Variants in PRKCB observed in about 807,000 individuals in gnomAD.
The protein encoded by PRKCB is protein kinase C beta type.
In PRKCB, 13 loss-of-function variants were observed where a neutral mutation model predicts 81.5. That is an observed-to-expected ratio of 0.16 (90% CI 0.10 to 0.25). The LOEUF (loss-of-function observed/expected upper bound fraction) is 0.25. Ranked by LOEUF, PRKCB falls within the 10% of genes least tolerant of loss-of-function variation. The pLI, the probability that PRKCB is intolerant of heterozygous loss-of-function variation, is 1.00. For missense variants in PRKCB, 509 were observed against 875.7 expected (o/e 0.58, Z 5.29); for synonymous variants, 335 against 321.4 (o/e 1.04, Z -0.45).
chr16:24,139,115 G>T (rs187924418), intron 9 of PRKCB, among the ~76,000 whole-genome samples: 4 of 152,186 alleles, frequency 2.6e-5, no homozygotes, highest in Admixed American at 6.5e-5. Flanking sequence ...GCCTCCCCAA[G>T]TGCTGGGATT....
intron 2 of PRKCB, among the ~76,000 whole-genome samples, chr16:23,967,909 C>A (rs1182177374): frequency 4.6e-5 from 7 of 152,162 alleles, no homozygotes; most frequent in Non-Finnish European, 1.0e-4. Context: ...CCTGCCGTGG[C>A]CTTCCAAAGT....
chr16:24,021,222 C>CTT lies in PRKCB; in HGVS notation c.289-10912_289-10911dup, dbSNP rs1965387365. ...TCTTTCTTTCTTTCTTTCTTTCTTT[C>CTT]TTTCTTTCTTTCCTTCCTTCCTTCC... On this transcript the variant is annotated intron_variant, in intron 3 of 16. Transcript: ENST00000643927. Among the ~76,000 whole-genome samples, 25 of 23,486 alleles carry CTT rather than the reference C, an allele frequency of 1.1e-3. 6 individuals are homozygous for CTT. Among genetic ancestry groups the CTT allele is most frequent in the South Asian group, 4.1e-3 (1 of 246 alleles). 15.4% of individuals were successfully genotyped at this position (23,486 alleles called of 152,430 possible). A position where few individuals can be genotyped will look rare whatever the true frequency, so the allele number is the denominator to read the frequency against.
intron 2 of PRKCB, among the ~76,000 whole-genome samples, chr16:23,927,132 G>A (rs1963908483): frequency 6.6e-6 from 1 of 152,108 alleles, no homozygotes; most frequent in Admixed American, 6.5e-5. Flanking sequence ...TAAGCGCATG[G>A]TGTGAGCGTA....
At chr16:23,990,433 G>T (rs533147356) in intron 3 of PRKCB, among the ~76,000 whole-genome samples, 11 of 151,482 alleles carry the variant, frequency 7.3e-5, no homozygotes, top group African/African-American at 2.4e-4. Context: ...ACTCCAGCCT[G>T]GGCGACAGAG....
chr16:24,135,361 C>G (rs1351480448), intron 9 of PRKCB, among the ~76,000 whole-genome samples: 1 of 139,070 alleles, frequency 7.2e-6, no homozygotes, highest in Non-Finnish European at 1.5e-5. Flanking sequence ...GCTCTGTTGC[C>G]CAGGCTGGAG....
rs147034002 is a variant in PRKCB, at chr16:23,887,146, A to G, written c.205+49740A>G. On this transcript the variant is annotated intron_variant, in intron 2 of 16. Coordinates refer to ENST00000643927, the MANE Select transcript of PRKCB (RefSeq NM_002738.7). The stretch of plus-strand genomic sequence containing the variant: ...TTGCTTTCTGTCACTGAAAGCAAAT[A>G]TTGTAGACAGATATGCTTGTAGGAT... Among the ~76,000 whole-genome samples, 5 of 152,050 alleles carry G rather than the reference A, an allele frequency of 3.3e-5. No individual in the cohort carries two copies. In the East Asian group the frequency reaches 9.7e-4, roughly 29 times the overall value.
intron 2 of PRKCB, among the ~76,000 whole-genome samples, chr16:23,966,117 C>T (rs75832524): frequency 2.0e-4 from 30 of 152,338 alleles, no homozygotes; most frequent in African/African-American, 6.5e-4. Context: ...TCTCATGGAA[C>T]GTCTGCGCAA....
At chr16:23,998,913 C>A (rs1034188114) in intron 3 of PRKCB, among the ~76,000 whole-genome samples, 1 of 152,172 alleles carries the variant, frequency 6.6e-6, no homozygotes, top group African/African-American at 2.4e-5. Context: ...GGAGTGCAGC[C>A]ATTCATTGCC....
chr16:23,844,376 TA>T (rs1962325812), intron 2 of PRKCB, among the ~76,000 whole-genome samples: 1 of 152,236 alleles, frequency 6.6e-6, no homozygotes, highest in Non-Finnish European at 1.5e-5. Flanking sequence ...GAAATTTGTC[TA>T]TTCACCACAT....
chr16:24,151,326 T>A (rs555426923), intron 9 of PRKCB, among the ~76,000 whole-genome samples: 1 of 152,382 alleles, frequency 6.6e-6, no homozygotes, highest in Admixed American at 6.5e-5. Flanking sequence ...ATTTTTATGC[T>A]TATCTTCCAT....
intron 2 of PRKCB, among the ~76,000 whole-genome samples, chr16:23,913,894 G>A (rs1340974040): frequency 6.6e-6 from 1 of 152,228 alleles, no homozygotes; most frequent in Non-Finnish European, 1.5e-5. Flanking sequence ...CTTAGCTTAA[G>A]CTGTGCCCCC....
At chr16:23,905,635 T>G (rs1362146919) in intron 2 of PRKCB, among the ~76,000 whole-genome samples, 3 of 152,222 alleles carry the variant, frequency 2.0e-5, no homozygotes, top group Non-Finnish European at 4.4e-5. Context: ...CTAGAACCAG[T>G]TTCCTGTATT....
intron 2 of PRKCB, among the ~76,000 whole-genome samples, chr16:23,930,771 C>G (rs1963961552): frequency 6.6e-6 from 1 of 152,080 alleles, no homozygotes; most frequent in Non-Finnish European, 1.5e-5. Context: ...ATGTAAAGCT[C>G]TTAGTGCAAT....
chr16:23,950,132 A>ATTTTTTTTTTTT, intron 2 of PRKCB, among the ~76,000 whole-genome samples: 1 of 97,774 alleles, frequency 1.0e-5, no homozygotes, highest in African/African-American at 4.1e-5. Context: ...TATGATTTGA[A>ATTTTTTTTTTTT]TTTTTTTTTT....
chr16:23,888,175 T>C (rs1348454896), intron 2 of PRKCB, among the ~76,000 whole-genome samples: 1 of 152,230 alleles, frequency 6.6e-6, no homozygotes, highest in African/African-American at 2.4e-5. Context: ...GGTGGGCTGC[T>C]GTGTTCTCAC....
At chr16:23,841,999 G>T (rs1962275803) in intron 2 of PRKCB, among the ~76,000 whole-genome samples, 1 of 152,058 alleles carries the variant, frequency 6.6e-6, no homozygotes, top group Non-Finnish European at 1.5e-5. Flanking sequence ...AGAGATAGTG[G>T]ATCTTGCTTT....
intron 2 of PRKCB, among the ~76,000 whole-genome samples, chr16:23,950,136 T>TTTG (rs1964258827): frequency 1.5e-5 from 2 of 135,146 alleles, no homozygotes; most frequent in Admixed American, 1.4e-4. Context: ...ATTTGAATTT[T>TTTG]TTTTTTTTTT....
intron 3 of PRKCB, among the ~76,000 whole-genome samples, chr16:24,015,025 T>G (rs28567762): frequency 0.063 from 9,542 of 152,230 alleles, 618 homozygotes; most frequent in African/African-American, 0.16. Context: ...GGTCTCGAAC[T>G]CCTGGCCTCA....
intron 3 of PRKCB, among the ~76,000 whole-genome samples, chr16:24,010,930 T>C (rs1024976025): frequency 6.6e-6 from 1 of 152,168 alleles, no homozygotes; most frequent in Non-Finnish European, 1.5e-5. Context: ...AATGGTACCA[T>C]CACGGCTCAC....
Sources: allele counts gnomAD v4.1 joint callset (sites outside exome capture counted in the v4.1 genomes callset), GRCh38; gene constraint gnomAD v4.1.1; transcripts MANE v1.5; gene names NCBI Gene and HGNC (gene_info 2026-07-23, HGNC 2026-07-21).